KIDINS220: variants seen among roughly 807,000 people sequenced by gnomAD.
KIDINS220 encodes the protein kinase D interacting substrate 220.
A neutral mutation model predicts 157.6 loss-of-function variants in KIDINS220; 63 were observed. The observed-to-expected ratio is 0.40, with a 90% CI of 0.33 to 0.49. KIDINS220 has a LOEUF of 0.49. KIDINS220 is among the 20% of genes least tolerant of loss of function. The pLI, the probability that KIDINS220 is intolerant of heterozygous loss-of-function variation, is 0.66. For missense variants in KIDINS220, 1,772 were observed against 2,171.2 expected (o/e 0.82, Z 3.65); for synonymous variants, 732 against 783.6 (o/e 0.93, Z 1.10).
In KIDINS220 at chr2:8,750,107, C is replaced by T; in HGVS notation, c.3414+5G>A. ...TAAAAATAAAGCTGCCTCCAACTTC[C>T]TTACCCTGTTGTAGAAGGGATGCTG... On this transcript the variant is annotated splice_donor_5th_base_variant and intron_variant, in intron 24 of 29. Transcript: ENST00000256707. 6.2e-7 allele frequency: 1 copy of T among 1,612,376 alleles called. No individual in the cohort carries two copies. The highest frequency in any genetic ancestry group is 8.5e-7 in the Non-Finnish European group (1 of 1,178,664).
chr2:8,820,780 G>A (rs1677836626), intron 2 of KIDINS220, among the ~76,000 whole-genome samples: 1 of 152,048 alleles, frequency 6.6e-6, no homozygotes, highest in African/African-American at 2.4e-5. Context: ...TTAAGCAGAT[G>A]GCCTTAAAAG....
chr2:8,808,976 T>A (rs1323313008), intron 6 of KIDINS220, among the ~76,000 whole-genome samples: 1 of 152,100 alleles, frequency 6.6e-6, no homozygotes, highest in African/African-American at 2.4e-5. Context: ...CCCAAATAGT[T>A]ACCTAAACTC....
intron 20 of KIDINS220, among the ~76,000 whole-genome samples, chr2:8,777,202 A>C (rs888851949): frequency 2.4e-4 from 36 of 152,228 alleles, no homozygotes; most frequent in African/African-American, 7.0e-4. Context: ...AAAGAGAATG[A>C]TATTCAAACT....
At chr2:8,786,452 CTTTTT>C in intron 15 of KIDINS220, 95 bp from the exon 16 acceptor site, 1 of 978,904 alleles carries the variant, frequency 1.0e-6, no homozygotes, top group East Asian at 2.5e-5. Flanking sequence ...CCTTTATTTT[CTTTTT>C]GTCTCTTTCA....
Position 8,747,975 on chromosome 2 carries a change from G to A in KIDINS220, c.3440C>T (p.Thr1147Met), listed in dbSNP as rs777845312. The change falls in exon 25 of 30, where the codon ACG (threonine) becomes ATG (methionine). Residue 1147 changes from threonine to methionine, a missense_variant. This residue lies in a region of KIDINS220 where 793 missense variants were observed against 885.5 expected (regional missense o/e 0.90). Transcript: ENST00000256707. The part of the protein sequence containing the change: ...NRPFFAPYLY[T>M]PRYYPGGSQH... The stretch of plus-strand genomic sequence containing the variant: ...GGAGCCGCCAGGGTAATACCTTGGC[G>A]TGTAAAGGTATGGGGCAAAGAATGG... 1.6e-5 allele frequency: 25 copies of A among 1,590,060 alleles called. No individual in the cohort carries two copies. The highest frequency in any genetic ancestry group is 4.6e-5 in the East Asian group (2 of 43,270).
chr2:8,746,619 T>C (rs569343433), intron 26 of KIDINS220: 6 of 152,278 alleles, frequency 3.9e-5, no homozygotes, highest in Admixed American at 3.9e-4. Context: ...AAAAGTATTA[T>C]AACACTGCAC....
At chr2:8,794,186 T>G (rs540847181) in intron 11 of KIDINS220, 199 bp from the exon 12 acceptor site, 28 of 414,432 alleles carry the variant, frequency 6.8e-5, no homozygotes, top group African/African-American at 5.7e-4. Context: ...TTTGCTCAGA[T>G]ACTGTTTCTC....
rs1663962915 is a variant in KIDINS220 at position 8,730,903 on chromosome 2, G to T, written c.5133C>A (p.Val1711=). ...TGGGACTGGAACTAGGCCTCAAAAT[G>T]ACTTGAGAAGTCTCCCTAATTCCCT... is the stretch of plus-strand genomic sequence containing the variant. The part of the protein sequence containing the change: ...EMEGIRETSQ[V]ILRPSSSPNP... Residue 1711 remains valine, a synonymous_variant, in exon 30 of 30, where the codon GTC becomes GTA. Coordinates refer to ENST00000256707, the MANE Select transcript of KIDINS220 (RefSeq NM_020738.4). 2 of 1,614,038 alleles carry T rather than the reference G, an allele frequency of 1.2e-6. No individual in the cohort carries two copies. The highest frequency in any genetic ancestry group is 1.3e-5 in the African/African-American group (1 of 74,900).
rs191053800 is a variant in KIDINS220, at chr2:8,744,558, T to C, written c.3585+2587A>G. Among the ~76,000 whole-genome samples the C allele has an allele frequency of 1.9e-3, 289 of 150,484 alleles. 3 individuals carry two copies. The highest frequency in any genetic ancestry group is 7.0e-3 in the African/African-American group (284 of 40,860). ...TGTCCAAAAACGTTTGTGTAGTTCT[T>C]GACTCTTCTGCAGGCTTTGTATAGA... On this transcript the variant is annotated intron_variant, in intron 26 of 29. Transcript: ENST00000256707.
chr2:8,731,936 T>C lies in KIDINS220; in HGVS notation c.4100A>G (p.Asp1367Gly). ...AAGCTTTGAAATTTCAATACTGGAA[T>C]CCTGGGAATTGAGACTCGAAAGACT... ...TPSLSSLNSQ[D>G]SSIEISKLTD... Residue 1367 changes from aspartate (D) to glycine (G), a missense_variant, in exon 30 of 30, where the codon GAT becomes GGT. Coordinates refer to ENST00000256707, the MANE Select transcript of KIDINS220 (RefSeq NM_020738.4). This position sits in a 1 kb window ranked among gnomAD's most constrained non-coding sequence, Gnocchi z 5.2. The C allele has an allele frequency of 6.2e-7, 1 of 1,608,464 alleles. No homozygotes were observed. The highest frequency in any genetic ancestry group is 8.5e-7 in the Non-Finnish European group (1 of 1,177,188).
intron 1 of KIDINS220, among the ~76,000 whole-genome samples, chr2:8,835,064 C>T (rs1680212475): frequency 6.6e-6 from 1 of 152,066 alleles, no homozygotes; most frequent in African/African-American, 2.4e-5. Context: ...GCCGAGGCTG[C>T]TCTTGAACTC....
intron 10 of KIDINS220, among the ~76,000 whole-genome samples, chr2:8,797,281 T>C (rs1412617742): frequency 6.6e-6 from 1 of 152,226 alleles, no homozygotes; most frequent in Non-Finnish European, 1.5e-5. Flanking sequence ...CCAACATCAC[T>C]TCAATTCTCA....
downstream of KIDINS220, chr2:8,725,419 A>C (rs367930703): frequency 5.3e-5 from 8 of 152,242 alleles, no homozygotes; most frequent in East Asian, 5.8e-4. Flanking sequence ...TCATAAAAGG[A>C]ACATTTCATT....
chr2:8,756,645 C>CAAAT (rs1668048429), intron 22 of KIDINS220, among the ~76,000 whole-genome samples: 1 of 152,148 alleles, frequency 6.6e-6, no homozygotes, highest in African/African-American at 2.4e-5. Flanking sequence ...TTTTGGTTTG[C>CAAAT]AAATGATCTT....
intron 2 of KIDINS220, among the ~76,000 whole-genome samples, chr2:8,823,375 C>G (rs1008700023): frequency 6.9e-6 from 1 of 145,946 alleles, no homozygotes. Context: ...AAAATACAAA[C>G]AACTTTTTGT....
intron 17 of KIDINS220, among the ~76,000 whole-genome samples, chr2:8,780,031 G>A (rs1671481530): frequency 6.6e-6 from 1 of 152,232 alleles, no homozygotes; most frequent in African/African-American, 2.4e-5. Context: ...GAATGACACT[G>A]TGGGATAGAC....
rs1471357025 is a variant in KIDINS220, at chr2:8,747,211, C to T, written c.3529-10G>A. 1.9e-6 allele frequency: 3 copies of T among 1,613,802 alleles called. No individual in the cohort carries two copies. The highest frequency in any genetic ancestry group is 2.5e-6 in the Non-Finnish European group (3 of 1,179,804). ...CCTCCTTGATAACTTCCTAACAACACAAAACAGGAGAGTGTGGGTGAAAAG... is the reference window on the plus strand; with the variant it reads ...CCTCCTTGATAACTTCCTAACAACATAAAACAGGAGAGTGTGGGTGAAAAG... On this transcript the variant is annotated splice_polypyrimidine_tract_variant and intron_variant, in intron 25 of 29. Transcript: ENST00000256707.
At chr2:8,722,941 TAAAACCCTTCTTCC>T (rs1274733927), downstream of KIDINS220, 2 of 152,230 alleles carry the variant, frequency 1.3e-5, no homozygotes, top group Non-Finnish European at 2.9e-5. Context: ...CACACTTCTC[TAAAACCCTTCTTCC>T]AGTTAGGTGT....
At chr2:8,765,090 G>T (rs758971454) in intron 22 of KIDINS220, among the ~76,000 whole-genome samples, 1 of 152,090 alleles carries the variant, frequency 6.6e-6, no homozygotes, top group African/African-American at 2.4e-5. Context: ...GAAGGAGGTG[G>T]GATGGGCCAA....
Sources: allele counts gnomAD v4.1 joint callset (sites outside exome capture counted in the v4.1 genomes callset), GRCh38; gene constraint gnomAD v4.1.1; regional missense constraint gnomAD v4.1.1; non-coding constraint Gnocchi (gnomAD v3.1); transcripts MANE v1.5; gene names NCBI Gene and HGNC (gene_info 2026-07-23, HGNC 2026-07-21).